Variants in ERP29 observed in about 807,000 individuals in gnomAD.
ERP29 encodes endoplasmic reticulum resident protein 29.
Under a neutral mutation model 21.7 loss-of-function variants are expected in ERP29, and 14 were observed. The observed-to-expected ratio is 0.64, with a 90% CI of 0.43 to 1.01. The LOEUF (loss-of-function observed/expected upper bound fraction) is 1.01. ERP29 is among the 50% of genes least tolerant of loss of function. ERP29 has a pLI of 0.00. For synonymous variants in ERP29, 129 were observed against 139.1 expected, an observed-to-expected ratio of 0.93 and a Z score of 0.51; for missense variants, 286 against 327.3, an observed-to-expected ratio of 0.87 and a Z score of 0.97.
At chr12:112,014,241 G>A (rs1471508167) in intron 1 of ERP29, among the ~76,000 whole-genome samples, 1 of 152,254 alleles carries the variant, frequency 6.6e-6, no homozygotes, top group African/African-American at 2.4e-5. Flanking sequence ...GAGGTGAGCG[G>A]CAGGCGAGCT....
At position 112,022,221 on chromosome 12, in the gene ERP29, T is replaced by C. The variant is rs2078052040; in HGVS notation, c.355T>C (p.Tyr119His). 2 of 1,614,148 alleles carry C rather than the reference T, an allele frequency of 1.2e-6. No individual in the cohort carries two copies. The highest frequency in any genetic ancestry group is 1.7e-6 in the Non-Finnish European group (2 of 1,179,988). Reference sequence around the variant, plus strand: ...GGACAAAGAGAGCTACCCAGTCTTCTACCTCTTCCGGGATGGGGACTTTGA... The same window carrying C: ...GGACAAAGAGAGCTACCCAGTCTTCCACCTCTTCCGGGATGGGGACTTTGA... ...KLDKESYPVF[Y>H]LFRDGDFENP... Residue 119 changes from tyrosine to histidine, a missense_variant, in exon 3 of 3, where the codon TAC becomes CAC. Transcript: ENST00000261735.
At position 112,022,256 on chromosome 12, in the gene ERP29, C is replaced by T; in HGVS notation, c.390C>T (p.Val130=). The part of the protein sequence containing the change: ...LFRDGDFENP[V]PYTGAVKVGA... ...GGGATGGGGACTTTGAGAACCCAGT[C>T]CCATACACTGGGGCAGTTAAGGTTG... Residue 130 remains valine (V), a synonymous_variant, in exon 3 of 3, where the codon GTC becomes GTT. Transcript: ENST00000261735. 7 of 1,613,384 alleles carry T rather than the reference C, an allele frequency of 4.3e-6. No individual in the cohort carries two copies. The highest frequency in any genetic ancestry group is 5.9e-6 in the Non-Finnish European group (7 of 1,179,574).
Position 112,013,476 on chromosome 12 carries a change from C to G in ERP29, c.11C>G (p.Ala4Gly), listed in dbSNP as rs1460610600. Residue 4 changes from alanine to glycine, a missense_variant, in exon 1 of 3, where the codon GCT becomes GGT. Physicochemically the swap from Ala to Gly is moderately conservative, Grantham distance 60. Transcript: ENST00000261735. The stretch of plus-strand genomic sequence containing the variant: ...CAGGAACCCGGCGATATGGCTGCCG[C>G]TGTGCCCCGCGCCGCATTTCTCTCC... MAA[A>G]VPRAAFLSPL... The G allele has an allele frequency of 6.2e-7, 1 of 1,612,226 alleles. No individual in the cohort carries two copies. The highest frequency in any genetic ancestry group is 1.1e-5 in the South Asian group (1 of 90,890).
rs748415004 is a variant in ERP29, at chr12:112,022,673, C to T, written c.*21C>T. On this transcript the variant is annotated 3_prime_UTR_variant, in exon 3 of 3. Transcript: ENST00000261735. ...TGTAAAAAGGCTGTCTGTGATTTTC[C>T]AGGGTTTGGTGGGGGTAGGGAGGGG... is the stretch of plus-strand genomic sequence containing the variant. The T allele has an allele frequency of 3.2e-6, 5 of 1,585,742 alleles. No homozygotes were observed. The highest frequency in any genetic ancestry group is 4.3e-6 in the Non-Finnish European group (5 of 1,166,450).
At chr12:112,016,777 G>C (rs1366066250) in intron 1 of ERP29, among the ~76,000 whole-genome samples, 1 of 152,110 alleles carries the variant, frequency 6.6e-6, no homozygotes, top group African/African-American at 2.4e-5. Context: ...TGTAGTCCCA[G>C]CTACTTGGGA....
chr12:112,015,649 C>G (rs1175796125), intron 1 of ERP29, among the ~76,000 whole-genome samples: 1 of 152,104 alleles, frequency 6.6e-6, no homozygotes, highest in Non-Finnish European at 1.5e-5. Context: ...AAGTGTGACC[C>G]AAAGGGAAAC....
chr12:112,022,775 T>C lies in ERP29; in HGVS notation c.*123T>C, dbSNP rs879234676. On this transcript the variant is annotated 3_prime_UTR_variant, in exon 3 of 3. Coordinates refer to ENST00000261735, the MANE Select transcript of ERP29 (RefSeq NM_006817.4). The stretch of plus-strand genomic sequence containing the variant: ...GAAAAGTGGTACTAACCCACGATTC[T>C]GAGCCCTGAGTATGCCTGGACATTG... 21 of 956,524 alleles carry C rather than the reference T, an allele frequency of 2.2e-5. No homozygotes were observed. Among genetic ancestry groups the C allele is most frequent in the Admixed American group, 1.3e-4 (5 of 38,862 alleles). The allele number at this position is 956,524 out of a possible 1,614,324, so 59.3% of individuals were successfully genotyped here. A position where few individuals can be genotyped will look rare whatever the true frequency, so the allele number is the denominator to read the frequency against.
At chr12:112,019,931 G>T in intron 2 of ERP29, 37 bp downstream of exon 2, 1 of 1,611,974 alleles carries the variant, frequency 6.2e-7, no homozygotes, top group Non-Finnish European at 8.5e-7. Flanking sequence ...GGGGCAGAGA[G>T]GGAGGAAGCT....
chr12:112,021,810 G>A (rs543620490), intron 2 of ERP29, among the ~76,000 whole-genome samples: 86 of 152,206 alleles, frequency 5.7e-4, no homozygotes, highest in Admixed American at 5.1e-3. Context: ...ACAGGCATGA[G>A]CCACCGCACC....
chr12:112,017,187 AT>A (rs2078016956), intron 1 of ERP29, among the ~76,000 whole-genome samples: 1 of 152,198 alleles, frequency 6.6e-6, no homozygotes, highest in South Asian at 2.1e-4. Flanking sequence ...TTCATCAGAT[AT>A]TTTCAGAACA....
intron 1 of ERP29, among the ~76,000 whole-genome samples, chr12:112,018,071 C>T (rs1483834723): frequency 6.6e-6 from 1 of 151,992 alleles, no homozygotes; most frequent in African/African-American, 2.4e-5. Flanking sequence ...AGGCATGAAC[C>T]ACTGTGCCCA....
chr12:112,019,912 A>G lies in ERP29; in HGVS notation c.283+18A>G. ...GATCTCAGGTATGGACAAGTCCAGG[A>G]CGGCTGGGGGGGCAGAGAGGGAGGA... On this transcript the variant is annotated intron_variant, in intron 2 of 2. Coordinates refer to ENST00000261735, the MANE Select transcript of ERP29 (RefSeq NM_006817.4). 1 of 1,613,568 alleles carries G rather than the reference A, an allele frequency of 6.2e-7. No homozygotes were observed.
rs549921114 is a variant in ERP29, at chr12:112,017,741, G to C, written c.145-2015G>C. 2.0e-3 allele frequency among the ~76,000 whole-genome samples: 294 copies of C among 149,512 alleles called. 1 individual carries two copies. The highest frequency in any genetic ancestry group is 3.5e-3 in the Non-Finnish European group (234 of 67,450). ...AAAACCAAGAGGACATCAGTACACT[G>C]TAAAGGACAAAGACTAACAAGAACA... On this transcript the variant is annotated intron_variant, in intron 1 of 2. Coordinates refer to ENST00000261735, the MANE Select transcript of ERP29 (RefSeq NM_006817.4).
In ERP29 at chr12:112,016,257, C is replaced by G. The variant is rs139931422; in HGVS notation, c.144+2648C>G. The stretch of plus-strand genomic sequence containing the variant: ...TCTCCAGTCTCTTTTCAAATCTTCT[C>G]TTCCATCACGACTGAACCAAAAGGA... On this transcript the variant is annotated intron_variant, in intron 1 of 2. Coordinates refer to ENST00000261735, the MANE Select transcript of ERP29 (RefSeq NM_006817.4). Among the ~76,000 whole-genome samples the G allele has an allele frequency of 2.2e-3, 341 of 152,344 alleles. 1 individual carries two copies. Among genetic ancestry groups the G allele is most frequent in the African/African-American group, 7.5e-3 (311 of 41,584 alleles).
intron 1 of ERP29, chr12:112,014,447 A>C (rs1391228619): frequency 6.6e-6 from 1 of 152,310 alleles, no homozygotes; most frequent in African/African-American, 2.4e-5. Flanking sequence ...GTTGTCTTCC[A>C]TGAAACCAGT....
intron 1 of ERP29, among the ~76,000 whole-genome samples, chr12:112,018,536 T>G (rs2078027278): frequency 6.6e-6 from 1 of 152,216 alleles, no homozygotes; most frequent in Non-Finnish European, 1.5e-5. Context: ...AGGAAGGCAG[T>G]GTTACCCTAA....
chr12:112,022,486 G>C lies in ERP29; in HGVS notation c.620G>C (p.Gly207Ala). The change falls in exon 3 of 3, where the codon GGG (glycine) becomes GCG (alanine). Residue 207 changes from glycine to alanine, a missense_variant. Coordinates refer to ENST00000261735, the MANE Select transcript of ERP29 (RefSeq NM_006817.4). ...GCCGAGCAATACCTGAAGATCATGG[G>C]GAAGATCTTAGACCAAGGGGAGGAC... ...KWAEQYLKIM[G>A]KILDQGEDFP... is the part of the protein sequence containing the mutation. The C allele has an allele frequency of 6.2e-7, 1 of 1,614,064 alleles. No individual in the cohort carries two copies. The highest frequency in any genetic ancestry group is 8.5e-7 in the Non-Finnish European group (1 of 1,179,936).
intron 1 of ERP29, among the ~76,000 whole-genome samples, chr12:112,018,200 CA>C (rs1447896639): frequency 1.3e-5 from 2 of 151,936 alleles, no homozygotes; most frequent in East Asian, 3.9e-4. Context: ...GGTTGGATTG[CA>C]GTGGTGCAAT....
chr12:112,018,662 T>C (rs2078027598), intron 1 of ERP29: 1 of 152,220 alleles, frequency 6.6e-6, no homozygotes, highest in Non-Finnish European at 1.5e-5. Flanking sequence ...CACTTGTATA[T>C]ATACCCAAAA....
Sources: gnomAD v4.1 joint callset for allele counts (sites outside exome capture counted in the v4.1 genomes callset) on GRCh38, gnomAD v4.1.1 for gene constraint, MANE v1.5 for transcripts, NCBI Gene and HGNC (gene_info 2026-07-23, HGNC 2026-07-21) for gene names.